Variants in INPP4B observed in about 807,000 individuals in gnomAD.
INPP4B encodes the protein inositol polyphosphate 4-phosphatase type II.
Under a neutral mutation model 122.5 loss-of-function variants are expected in INPP4B, and 55 were observed. The observed-to-expected ratio is 0.45, with a 90% CI of 0.36 to 0.56. The LOEUF (loss-of-function observed/expected upper bound fraction) is 0.56. Ranked by LOEUF, INPP4B falls within the 20% of genes least tolerant of loss-of-function variation. The pLI, the probability that INPP4B is intolerant of heterozygous loss-of-function variation, is 0.00. For missense variants in INPP4B, 1,000 were observed against 1,097.7 expected (o/e 0.91, Z 1.26); for synonymous variants, 403 against 388.7 (o/e 1.04, Z -0.43).
chr4:142,077,954 A>G (rs1771719862), intron 25 of INPP4B, among the ~76,000 whole-genome samples: 1 of 33,478 alleles, frequency 3.0e-5, no homozygotes, highest in South Asian at 2.3e-3. Flanking sequence ...TTTGCCTTTA[A>G]CAACAAAAAA....
Position 142,358,266 on chromosome 4 carries a change from C to G in INPP4B, c.373-43504G>C, listed in dbSNP as rs916169179. 1.4e-4 allele frequency among the ~76,000 whole-genome samples: 21 copies of G among 151,902 alleles called. 1 individual carries two copies. The highest frequency in any genetic ancestry group is 2.2e-4 in the Non-Finnish European group (15 of 67,934). On this transcript the variant is annotated intron_variant, in intron 7 of 25. Transcript: ENST00000262992. Reference sequence around the variant, plus strand: ...GAGGAATTTTTTAAAAATACATAGGCTTTATTCTAGAGGTATGCATTCCAT... The same window carrying G: ...GAGGAATTTTTTAAAAATACATAGGGTTTATTCTAGAGGTATGCATTCCAT...
intron 2 of INPP4B, among the ~76,000 whole-genome samples, chr4:142,718,626 G>A (rs576295245): frequency 9.2e-5 from 14 of 152,154 alleles, no homozygotes; most frequent in Admixed American, 7.2e-4. Context: ...TCAGGGCCAC[G>A]AGCAAGTGCT....
chr4:142,260,675 GAATAA>G, intron 10 of INPP4B, 111 bp from the exon 11 acceptor site: 1 of 682,766 alleles, frequency 1.5e-6, no homozygotes, highest in Non-Finnish European at 2.5e-6. Flanking sequence ...AAAAAGTTTT[GAATAA>G]AATACTTTTT....
At chr4:142,580,620 G>A (rs972772456) in intron 2 of INPP4B, among the ~76,000 whole-genome samples, 15 of 151,976 alleles carry the variant, frequency 9.9e-5, no homozygotes, top group Admixed American at 5.3e-4. Context: ...TCCATTTTTG[G>A]TGTTCAAATA....
chr4:142,382,003 C>T (rs1182312076), intron 7 of INPP4B, among the ~76,000 whole-genome samples: 2 of 151,908 alleles, frequency 1.3e-5, no homozygotes, highest in Non-Finnish European at 2.9e-5. Flanking sequence ...AATTCCTTGG[C>T]TATTCTTGGA....
intron 12 of INPP4B, among the ~76,000 whole-genome samples, chr4:142,215,970 G>C (rs1483198961): frequency 7.5e-6 from 1 of 132,648 alleles, no homozygotes; most frequent in Non-Finnish European, 1.6e-5. Context: ...TTAAATAGTT[G>C]CATACCATTA....
At chr4:142,623,200 C>T (rs942287425) in intron 2 of INPP4B, among the ~76,000 whole-genome samples, 1 of 151,964 alleles carries the variant, frequency 6.6e-6, no homozygotes. Context: ...TGCATCTTCT[C>T]TACTCCTATT....
At chr4:142,702,496 G>A (rs776449069) in intron 2 of INPP4B, among the ~76,000 whole-genome samples, 33 of 152,166 alleles carry the variant, frequency 2.2e-4, no homozygotes, top group Middle Eastern at 3.4e-3. Flanking sequence ...AGGCCAAGGC[G>A]GGCAGATAAC....
intron 10 of INPP4B, among the ~76,000 whole-genome samples, chr4:142,264,733 T>TATAA (rs1741939506): frequency 6.6e-6 from 1 of 152,220 alleles, no homozygotes; most frequent in Non-Finnish European, 1.5e-5. Flanking sequence ...TAGTATTTTA[T>TATAA]ATAAAGGTAC....
At chr4:142,030,914 C>G (rs1188435439) in intron 25 of INPP4B, among the ~76,000 whole-genome samples, 1 of 152,112 alleles carries the variant, frequency 6.6e-6, no homozygotes, top group Non-Finnish European at 1.5e-5. Flanking sequence ...GTTAGTTCAG[C>G]TCATAAATTA....
rs1039196678 is a variant in INPP4B at position 142,679,057 on chromosome 4, A to G, written c.-191+46782T>C. On this transcript the variant is annotated intron_variant, in intron 2 of 25. Transcript: ENST00000262992. ...AAACAGATTCCCTTTCATCTACTTC[A>G]GTTTATTTTTACCTCTCAAGAGACC... Among the ~76,000 whole-genome samples the G allele has an allele frequency of 3.3e-5, 5 of 151,844 alleles. No individual in the cohort carries two copies. The Admixed American group carries it at 3.3e-4, about 10-fold the overall frequency.
At chr4:142,317,188 G>T (rs1015998790) in intron 7 of INPP4B, 6 of 208,340 alleles carry the variant, frequency 2.9e-5, no homozygotes, top group African/African-American at 1.4e-4. Context: ...CTGTCATAGA[G>T]TTCAGGGGGA....
intron 25 of INPP4B, among the ~76,000 whole-genome samples, chr4:142,071,324 CAAAAATTAATTCAAGATGGATT>C (rs1246098528): frequency 6.6e-5 from 10 of 152,204 alleles, no homozygotes; most frequent in Admixed American, 4.6e-4. Flanking sequence ...AAACCTTATA[CAAAAATTAATTCAAGATGGATT>C]AAAGACTTAA....
chr4:142,459,903 T>C (rs1325985126), intron 3 of INPP4B, among the ~76,000 whole-genome samples: 1 of 152,190 alleles, frequency 6.6e-6, no homozygotes, highest in African/African-American at 2.4e-5. Flanking sequence ...ATCTAGAACA[T>C]CTACAAGAAA....
chr4:142,765,279 G>A (rs1279466647), intron 1 of INPP4B, among the ~76,000 whole-genome samples: 1 of 152,064 alleles, frequency 6.6e-6, no homozygotes, highest in East Asian at 1.9e-4. Flanking sequence ...GGGAAATGAG[G>A]TCTACAAGGC....
chr4:142,428,179 A>C (rs3775719), intron 5 of INPP4B, among the ~76,000 whole-genome samples: 94,375 of 150,860 alleles, frequency 0.63, 30,290 homozygotes, highest in Non-Finnish European at 0.7. Context: ...AAATTTAAAA[A>C]ATAATAAAAA....
chr4:142,493,363 C>T (rs1051115078), intron 2 of INPP4B, among the ~76,000 whole-genome samples: 1 of 152,140 alleles, frequency 6.6e-6, no homozygotes, highest in African/African-American at 2.4e-5. Flanking sequence ...ATCCTCCAGA[C>T]CCCAGAATGG....
intron 1 of INPP4B, among the ~76,000 whole-genome samples, chr4:142,791,099 G>C (rs528984171): frequency 6.6e-6 from 1 of 152,228 alleles, no homozygotes; most frequent in Non-Finnish European, 1.5e-5. Context: ...GGACTTCAAA[G>C]CTGGAGAAAA....
chr4:142,414,361 A>G (rs1805240462), intron 5 of INPP4B, among the ~76,000 whole-genome samples: 1 of 152,198 alleles, frequency 6.6e-6, no homozygotes, highest in South Asian at 2.1e-4. Flanking sequence ...TATTGATACT[A>G]AAATAAACTT....
Sources: gnomAD v4.1 joint callset for allele counts (sites outside exome capture counted in the v4.1 genomes callset) on GRCh38, gnomAD v4.1.1 for gene constraint, MANE v1.5 for transcripts, NCBI Gene and HGNC (gene_info 2026-07-23, HGNC 2026-07-21) for gene names.